The following DYM variants were observed in gnomAD, a reference collection of about 807,000 sequenced individuals.
DYM encodes dymeclin, also known as dyggve-Melchior-Clausen syndrome protein.
A neutral mutation model predicts 93.1 loss-of-function variants in DYM; 78 were observed. That is an observed-to-expected ratio of 0.84 (90% CI 0.70 to 1.01). The LOEUF (loss-of-function observed/expected upper bound fraction) is 1.01, where lower values mean the gene tolerates loss of function less well. Among genes scored for constraint, DYM ranks in the 50% least tolerant of loss-of-function variants. The pLI is 0.00. For missense variants in DYM, 789 were observed against 845.0 expected (o/e 0.93, Z 0.82); for synonymous variants, 321 against 319.7 (o/e 1.00, Z -0.04).
chr18:49,331,772 T>A, intron 8 of DYM, 92 bp downstream of exon 8: 1 of 1,360,452 alleles, frequency 7.4e-7, no homozygotes, highest in Non-Finnish European at 1.0e-6. Context: ...ATGTAACTAT[T>A]AATGGTGGCA....
At chr18:49,162,881 GCAAA>G (rs2087341973) in intron 15 of DYM, among the ~76,000 whole-genome samples, 1 of 152,218 alleles carries the variant, frequency 6.6e-6, no homozygotes, top group Non-Finnish European at 1.5e-5. Context: ...GTCCAAGTAA[GCAAA>G]CAGATAAACC....
chr18:49,459,469 C>A (rs534310771), intron 1 of DYM, among the ~76,000 whole-genome samples: 2 of 152,258 alleles, frequency 1.3e-5, no homozygotes, highest in African/African-American at 4.8e-5. Context: ...TCGTTCTTCT[C>A]TTGAGCCCTC....
chr18:49,324,410 G>C (rs760398820), intron 8 of DYM, among the ~76,000 whole-genome samples: 60 of 152,162 alleles, frequency 3.9e-4, no homozygotes, highest in Middle Eastern at 6.8e-3. Context: ...AGATAAATTA[G>C]TCAATAAGAA....
At chr18:49,093,625 C>T (rs1218581801) in intron 17 of DYM, among the ~76,000 whole-genome samples, 2 of 152,102 alleles carry the variant, frequency 1.3e-5, no homozygotes, top group Non-Finnish European at 2.9e-5. Context: ...AGGATGCTGG[C>T]TATTCATATT....
chr18:49,093,622 T>C (rs1794262768), intron 17 of DYM, among the ~76,000 whole-genome samples: 1 of 152,134 alleles, frequency 6.6e-6, no homozygotes, highest in African/African-American at 2.4e-5. Context: ...GGGAGGATGC[T>C]GGCTATTCAT....
At chr18:49,236,595 G>T (rs1350267826) in intron 13 of DYM, among the ~76,000 whole-genome samples, 1 of 152,160 alleles carries the variant, frequency 6.6e-6, no homozygotes, top group East Asian at 1.9e-4. Flanking sequence ...TATATGGAAA[G>T]AAGAAATTGC....
intron 17 of DYM, among the ~76,000 whole-genome samples, chr18:49,087,783 G>C (rs2145338162): frequency 6.6e-6 from 1 of 152,098 alleles, no homozygotes; most frequent in South Asian, 2.1e-4. Context: ...AGCACCTGTT[G>C]TTTCCTGACT....
Position 49,430,247 on chromosome 18 carries a change from T to C in DYM, c.140+8A>G, listed in dbSNP as rs199833534. 6.2e-7 allele frequency: 1 copy of C among 1,613,582 alleles called. No homozygotes were observed. Among genetic ancestry groups the C allele is most frequent in the African/African-American group, 1.3e-5 (1 of 74,896 alleles). ...ATTCAAATTTTCAATCTCCAGGCAATCTCTTACCTGCTAGTTGGTGCAGGG... is the reference window on the plus strand; with the variant it reads ...ATTCAAATTTTCAATCTCCAGGCAACCTCTTACCTGCTAGTTGGTGCAGGG... On this transcript the variant is annotated splice_region_variant and intron_variant, in intron 2 of 17. Coordinates refer to ENST00000675505, the MANE Select transcript of DYM (RefSeq NM_001353214.3).
At chr18:49,096,256 C>T (rs1019471396) in intron 17 of DYM, among the ~76,000 whole-genome samples, 2 of 152,194 alleles carry the variant, frequency 1.3e-5, no homozygotes, top group African/African-American at 4.8e-5. Context: ...CATCTTTGCA[C>T]AGTACCGTGT....
At chr18:49,349,171 G>A (rs1003395792) in intron 6 of DYM, among the ~76,000 whole-genome samples, 6 of 152,132 alleles carry the variant, frequency 3.9e-5, no homozygotes, top group Non-Finnish European at 8.8e-5. Flanking sequence ...TCGTGCCAGT[G>A]CACTCCCGCC....
intron 5 of DYM, among the ~76,000 whole-genome samples, chr18:49,368,903 G>A (rs2066749913): frequency 6.6e-6 from 1 of 152,214 alleles, no homozygotes; most frequent in African/African-American, 2.4e-5. Context: ...TTCCTATCTT[G>A]TATCACTTTT....
intron 5 of DYM, among the ~76,000 whole-genome samples, chr18:49,366,672 T>C (rs995573981): frequency 1.3e-5 from 2 of 152,206 alleles, no homozygotes; most frequent in African/African-American, 4.8e-5. Flanking sequence ...GAGTTTTAAA[T>C]TACCACAATA....
intron 17 of DYM, among the ~76,000 whole-genome samples, chr18:49,062,363 T>A (rs2076049805): frequency 6.6e-6 from 1 of 152,168 alleles, no homozygotes; most frequent in Non-Finnish European, 1.5e-5. Context: ...CACACTCTTA[T>A]CTAGCCCAGC....
chr18:49,247,752 C>T (rs930993187), intron 13 of DYM, among the ~76,000 whole-genome samples: 6 of 152,212 alleles, frequency 3.9e-5, no homozygotes, highest in African/African-American at 1.2e-4. Flanking sequence ...TCTGCCAAGA[C>T]ACCCTGTTGT....
chr18:49,158,328 A>G (rs2086672099), intron 15 of DYM, among the ~76,000 whole-genome samples: 2 of 152,188 alleles, frequency 1.3e-5, no homozygotes, highest in Admixed American at 1.3e-4. Context: ...TTTACCTCTT[A>G]TACCATGGTA....
At chr18:49,170,646 G>A (rs941444880) in intron 14 of DYM, among the ~76,000 whole-genome samples, 24 of 151,886 alleles carry the variant, frequency 1.6e-4, no homozygotes, top group Non-Finnish European at 3.4e-4. Context: ...TGGGCGTGGT[G>A]GCACGTGCCT....
intron 15 of DYM, among the ~76,000 whole-genome samples, chr18:49,150,325 C>T (rs547721686): frequency 9.2e-5 from 14 of 152,292 alleles, no homozygotes; most frequent in African/African-American, 3.4e-4. Flanking sequence ...CCTAACCCCC[C>T]AGTGTAATGA....
At chr18:49,298,337 T>G (rs911509856) in intron 8 of DYM, among the ~76,000 whole-genome samples, 2 of 152,186 alleles carry the variant, frequency 1.3e-5, no homozygotes, top group African/African-American at 4.8e-5. Flanking sequence ...CCCAGTACCT[T>G]GGGAGGCCAA....
chr18:49,402,791 C>T (rs1031462151), intron 2 of DYM, among the ~76,000 whole-genome samples: 1 of 152,192 alleles, frequency 6.6e-6, no homozygotes. Context: ...AAAACTCCTG[C>T]ACACTGCTCA....
Sources: gnomAD v4.1 joint callset for allele counts (sites outside exome capture counted in the v4.1 genomes callset) on GRCh38, gnomAD v4.1.1 for gene constraint, MANE v1.5 for transcripts, NCBI Gene and HGNC (gene_info 2026-07-23, HGNC 2026-07-21) for gene names.